The following SAMD5 variants were observed in gnomAD, a reference collection of about 807,000 sequenced individuals.
The protein encoded by SAMD5 is sterile alpha motif domain containing 5, also known as sterile alpha motif domain-containing protein 5.
A neutral mutation model predicts 11.3 loss-of-function variants in SAMD5; 13 were observed. The observed-to-expected ratio is 1.15, with a 90% CI of 0.75 to 1.83. The LOEUF (loss-of-function observed/expected upper bound fraction) is 1.83, where lower values mean the gene tolerates loss of function less well. Among genes scored for constraint, SAMD5 ranks in the 40% most tolerant of loss-of-function variants. The pLI, the probability that SAMD5 is intolerant of heterozygous loss-of-function variation, is 0.00. For synonymous variants in SAMD5, 129 were observed against 111.3 expected (o/e 1.16, Z -1.00); for missense variants, 255 against 239.1 (o/e 1.07, Z -0.44).
At chr6:147,790,593 A>G in the SAMD5 span, among the ~76,000 whole-genome samples, 2 of 152,168 alleles carry the variant, frequency 1.3e-5, no homozygotes, top group Non-Finnish European at 2.9e-5. Context: ...GTAAAGCATC[A>G]CTTTGGGTGT....
the SAMD5 span, among the ~76,000 whole-genome samples, chr6:147,791,773 A>G: frequency 2.0e-5 from 3 of 152,212 alleles, no homozygotes; most frequent in Non-Finnish European, 4.4e-5. Context: ...GATTAAGATT[A>G]TGTCTTTCCA....
chr6:147,935,186 G>A, the SAMD5 span, among the ~76,000 whole-genome samples: 2 of 152,066 alleles, frequency 1.3e-5, no homozygotes, highest in East Asian at 1.9e-4. Flanking sequence ...TCCAGGTATC[G>A]GCAGTTGAGC....
chr6:147,862,326 A>G, the SAMD5 span, among the ~76,000 whole-genome samples: 19 of 152,168 alleles, frequency 1.2e-4, no homozygotes, highest in African/African-American at 3.1e-4. Context: ...CTGGACTTCA[A>G]TACTGCCTGG....
At chr6:147,723,763 T>G (rs1289715637) in intron 1 of SAMD5, among the ~76,000 whole-genome samples, 2 of 152,228 alleles carry the variant, frequency 1.3e-5, no homozygotes, top group African/African-American at 4.8e-5. Flanking sequence ...AGCCCATCTT[T>G]CCTTGGAGGG....
At chr6:147,947,160 T>C in the SAMD5 span, among the ~76,000 whole-genome samples, 1 of 152,216 alleles carries the variant, frequency 6.6e-6, no homozygotes, top group Non-Finnish European at 1.5e-5. Context: ...AGTGTGTTTT[T>C]ATTCCCTTGA....
chr6:147,804,721 T>G, the SAMD5 span, among the ~76,000 whole-genome samples: 1 of 152,234 alleles, frequency 6.6e-6, no homozygotes, highest in East Asian at 1.9e-4. Flanking sequence ...CGTAACATTA[T>G]GAGGTTACTC....
the SAMD5 span, among the ~76,000 whole-genome samples, chr6:147,810,861 G>T: frequency 2.0e-5 from 3 of 152,116 alleles, no homozygotes; most frequent in African/African-American, 7.2e-5. Flanking sequence ...CCCTGCCCTG[G>T]GTGTTGTGTA....
rs144153695 is a variant in SAMD5 at position 147,623,035 on chromosome 6, T to C, written c.162+113648T>C. ...CCCACCAGGTCCCTCCCACAACACATGGGAATTATGGAAGCTACAATTCAA... is the reference window on the plus strand; with the variant it reads ...CCCACCAGGTCCCTCCCACAACACACGGGAATTATGGAAGCTACAATTCAA... On this transcript the variant is annotated intron_variant, in intron 1 of 1. Transcript: ENST00000566741. 2.8e-3 allele frequency among the ~76,000 whole-genome samples: 421 copies of C among 152,270 alleles called. 3 individuals are homozygous for C. Among genetic ancestry groups the C allele is most frequent in the African/African-American group, 9.6e-3 (398 of 41,564 alleles).
chr6:147,730,149 G>C, intron 1 of SAMD5: 1 of 417,674 alleles, frequency 2.4e-6, no homozygotes. Context: ...AAGAGAGGGA[G>C]AGAAAGATGA....
chr6:147,913,700 A>C, the SAMD5 span, among the ~76,000 whole-genome samples: 69 of 152,310 alleles, frequency 4.5e-4, no homozygotes, highest in African/African-American at 1.4e-3. Context: ...TGTCTCAAAA[A>C]AACAACAACA....
the SAMD5 span, among the ~76,000 whole-genome samples, chr6:147,760,732 TGATCTGAG>T: frequency 6.6e-6 from 1 of 152,196 alleles, no homozygotes; most frequent in Admixed American, 6.5e-5. Flanking sequence ...TATCTAGAAG[TGATCTGAG>T]GAGGTTTGGC....
chr6:147,873,108 G>A, the SAMD5 span, among the ~76,000 whole-genome samples: 1 of 152,176 alleles, frequency 6.6e-6, no homozygotes, highest in African/African-American at 2.4e-5. Context: ...GCCGGGTGCT[G>A]TGGCTCACGC....
At chr6:147,846,682 T>A in the SAMD5 span, among the ~76,000 whole-genome samples, 1 of 152,114 alleles carries the variant, frequency 6.6e-6, no homozygotes, top group Non-Finnish European at 1.5e-5. Context: ...TAGCCTGGTG[T>A]GGTGGCACAC....
the SAMD5 span, among the ~76,000 whole-genome samples, chr6:147,796,437 T>G: frequency 6.6e-5 from 10 of 152,248 alleles, no homozygotes; most frequent in South Asian, 2.1e-4. Context: ...TCTCTGTTTT[T>G]GTACCAGTAC....
chr6:147,733,896 CTA>C (rs1791755475), intron 1 of SAMD5: 1 of 183,988 alleles, frequency 5.4e-6, no homozygotes, highest in South Asian at 1.8e-4. Context: ...ACAGTGTTAA[CTA>C]TGAGTTGAGT....
chr6:147,636,751 C>T (rs1225609211), intron 1 of SAMD5, among the ~76,000 whole-genome samples: 2 of 152,118 alleles, frequency 1.3e-5, no homozygotes, highest in African/African-American at 4.8e-5. Context: ...AAAGGGTCAG[C>T]CATGTGGTTA....
At chr6:147,925,314 C>G in the SAMD5 span, among the ~76,000 whole-genome samples, 2 of 152,172 alleles carry the variant, frequency 1.3e-5, no homozygotes, top group Non-Finnish European at 2.9e-5. Context: ...TTCCCGGGAA[C>G]TGAGTCAGCC....
At chr6:147,825,408 A>T in the SAMD5 span, among the ~76,000 whole-genome samples, 1 of 152,174 alleles carries the variant, frequency 6.6e-6, no homozygotes, top group Admixed American at 6.5e-5. Flanking sequence ...ATAATGAATG[A>T]TTATTATTTT....
chr6:147,779,334 T>C, the SAMD5 span, among the ~76,000 whole-genome samples: 11 of 152,152 alleles, frequency 7.2e-5, no homozygotes, highest in African/African-American at 2.4e-4. Context: ...TGAAATGCAT[T>C]TTATGAGTTA....
Sources: gnomAD v4.1 joint callset for allele counts (sites outside exome capture counted in the v4.1 genomes callset) on GRCh38, gnomAD v4.1.1 for gene constraint, MANE v1.5 for transcripts, NCBI Gene and HGNC (gene_info 2026-07-23, HGNC 2026-07-21) for gene names.